Variants in ARHGAP12 observed in about 807,000 individuals in gnomAD.
ARHGAP12 encodes Rho GTPase activating protein 12.
ARHGAP12 carries 64 observed loss-of-function variants against 108.6 expected under a neutral mutation model. The observed-to-expected ratio is 0.59, with a 90% CI of 0.48 to 0.73. ARHGAP12 has a LOEUF of 0.73. ARHGAP12 is among the 30% of genes least tolerant of loss of function. ARHGAP12 has a pLI of 0.00. For synonymous variants in ARHGAP12, 312 were observed against 337.2 expected (o/e 0.93, Z 0.82); for missense variants, 940 against 1,005.9 (o/e 0.93, Z 0.89).
intron 3 of ARHGAP12, among the ~76,000 whole-genome samples, chr10:31,863,848 A>T (rs975357143): frequency 2.6e-5 from 4 of 152,176 alleles, no homozygotes; most frequent in African/African-American, 9.6e-5. Flanking sequence ...AACTCTTAGC[A>T]AGATAGGAAC....
chr10:31,917,854 C>G (rs564539247), intron 1 of ARHGAP12, among the ~76,000 whole-genome samples: 26 of 152,218 alleles, frequency 1.7e-4, no homozygotes, highest in Non-Finnish European at 3.5e-4. Context: ...AAGAACCTGA[C>G]AGACATTTTT....
At position 31,909,270 on chromosome 10, in the gene ARHGAP12, T is replaced by A. The variant is rs555677748; in HGVS notation, c.-71-344A>T. 1.5e-4 allele frequency among the ~76,000 whole-genome samples: 23 copies of A among 152,360 alleles called. No homozygotes were observed. In the South Asian group the frequency reaches 4.6e-3, roughly 30 times the overall value. On this transcript the variant is annotated intron_variant, in intron 2 of 19. Transcript: ENST00000344936. ...TCACCTTCTTAGAAAGGCTCACTAA[T>A]AACTAATATGCATTTACTTTCATTT...
At position 31,861,492 on chromosome 10, in the gene ARHGAP12, T is replaced by C. The variant is rs1205337927; in HGVS notation, c.851A>G (p.Tyr284Cys). ...HKDSSGRCYY[Y>C]NRGTQERTWK... Reference sequence around the variant, plus strand: ...AGTTCTTTCCTGTGTCCCTCTGTTATAGTAATAGCAACGCCCTGAGCTGTC... The same window carrying C: ...AGTTCTTTCCTGTGTCCCTCTGTTACAGTAATAGCAACGCCCTGAGCTGTC... The change falls in exon 4 of 20, where the codon TAT (tyrosine) becomes TGT (cysteine). Residue 284 changes from tyrosine to cysteine, a missense_variant. Physicochemically the swap from Tyr to Cys is radical, Grantham distance 194 (BLOSUM62 -2). Coordinates refer to ENST00000344936, the MANE Select transcript of ARHGAP12 (RefSeq NM_018287.7). The C allele has an allele frequency of 1.9e-6, 3 of 1,614,184 alleles. No homozygotes were observed. The highest frequency in any genetic ancestry group is 1.3e-5 in the African/African-American group (1 of 75,042).
At chr10:31,819,093 T>A (rs1230434534) in intron 12 of ARHGAP12, among the ~76,000 whole-genome samples, 1 of 151,828 alleles carries the variant, frequency 6.6e-6, no homozygotes, top group Non-Finnish European at 1.5e-5. Flanking sequence ...ATGAGAGAAA[T>A]AATTGACAAA....
At chr10:31,898,886 T>C (rs1838814286) in intron 3 of ARHGAP12, among the ~76,000 whole-genome samples, 2 of 151,408 alleles carry the variant, frequency 1.3e-5, no homozygotes, top group South Asian at 2.1e-4. Context: ...CGTCCACAGA[T>C]GTTTATAGCA....
At chr10:31,831,285 GATT>G (rs1835823060) in intron 10 of ARHGAP12, among the ~76,000 whole-genome samples, 1 of 152,104 alleles carries the variant, frequency 6.6e-6, no homozygotes, top group South Asian at 2.1e-4. Flanking sequence ...ACTGTGAAAA[GATT>G]ATGTTTAGAA....
intron 3 of ARHGAP12, among the ~76,000 whole-genome samples, chr10:31,876,081 G>A (rs930514731): frequency 2.0e-5 from 3 of 152,192 alleles, no homozygotes; most frequent in Non-Finnish European, 4.4e-5. Context: ...TTTGGCTATA[G>A]TGAACAATTC....
intron 14 of ARHGAP12, 134 bp downstream of exon 14, chr10:31,814,125 C>G: frequency 1.4e-6 from 1 of 693,634 alleles, no homozygotes; most frequent in Admixed American, 2.6e-5. Context: ...CACACTGAGA[C>G]TGCACTTGGT....
At chr10:31,877,907 C>G (rs749397169) in intron 3 of ARHGAP12, among the ~76,000 whole-genome samples, 31 of 152,182 alleles carry the variant, frequency 2.0e-4, no homozygotes, top group Non-Finnish European at 3.5e-4. Context: ...GCCTGGGGAA[C>G]GTGGAGAAAC....
chr10:31,807,737 T>A lies in ARHGAP12; in HGVS notation c.2462A>T (p.Asn821Ile), dbSNP rs201424206. The A allele has an allele frequency of 5.6e-6, 9 of 1,607,846 alleles. No individual in the cohort carries two copies. The highest frequency in any genetic ancestry group is 7.6e-6 in the Non-Finnish European group (9 of 1,177,304). The change falls in exon 20 of 20, where the codon AAT becomes ATT. Residue 821 changes from asparagine to isoleucine, a missense_variant. Transcript: ENST00000344936. ...CTGGTACACAGTATGAACTGCTATA[T>A]TACCAGTCTCTTTTTCTGGTTTTAA... ...TLLKPEKETG[N>I]IAVHTVYQNQ...
At chr10:31,918,795 G>A (rs1839670474) in intron 1 of ARHGAP12, among the ~76,000 whole-genome samples, 1 of 152,224 alleles carries the variant, frequency 6.6e-6, no homozygotes, top group Admixed American at 6.5e-5. Flanking sequence ...GAAATGTAAA[G>A]TGGTACAGCC....
chr10:31,854,841 T>G (rs1213417405), intron 4 of ARHGAP12, among the ~76,000 whole-genome samples: 3 of 150,482 alleles, frequency 2.0e-5, no homozygotes, highest in African/African-American at 7.4e-5. Flanking sequence ...ATGAAAATAA[T>G]ATAGGGGCCA....
intron 15 of ARHGAP12, among the ~76,000 whole-genome samples, chr10:31,811,668 T>TTATTTTATTC (rs1426016024): frequency 6.6e-6 from 1 of 151,576 alleles, no homozygotes; most frequent in Non-Finnish European, 1.5e-5. Context: ...AATACCTTTT[T>TTATTTTATTC]TATTTTATTT....
chr10:31,811,927 T>G (rs1336101125), intron 15 of ARHGAP12, among the ~76,000 whole-genome samples: 1 of 152,128 alleles, frequency 6.6e-6, no homozygotes. Flanking sequence ...AGTGGGGGGT[T>G]TACAGATGTG....
chr10:31,886,066 TTGAGTA>T (rs1838177152), intron 3 of ARHGAP12, among the ~76,000 whole-genome samples: 1 of 152,190 alleles, frequency 6.6e-6, no homozygotes, highest in South Asian at 2.1e-4. Context: ...ATAAAATTAT[TTGAGTA>T]GTCATTCTGA....
chr10:31,861,264 T>A (rs1350086186), intron 4 of ARHGAP12, 131 bp downstream of exon 4: 2 of 1,136,454 alleles, frequency 1.8e-6, no homozygotes, highest in East Asian at 5.0e-5. Flanking sequence ...TGGAAAGAAT[T>A]TTTAATGATC....
intron 3 of ARHGAP12, among the ~76,000 whole-genome samples, chr10:31,869,520 G>C (rs566020913): frequency 6.6e-6 from 1 of 150,912 alleles, no homozygotes. Flanking sequence ...CTGGGTAACA[G>C]AGCGAGACTC....
chr10:31,869,289 C>T (rs1344364467), intron 3 of ARHGAP12, among the ~76,000 whole-genome samples: 1 of 152,190 alleles, frequency 6.6e-6, no homozygotes, highest in Non-Finnish European at 1.5e-5. Context: ...GTAATGCCAA[C>T]ACTTCAGGAA....
At position 31,809,242 on chromosome 10, in the gene ARHGAP12, C is replaced by T; in HGVS notation, c.2116G>A (p.Ala706Thr). The T allele has an allele frequency of 6.2e-7, 1 of 1,613,892 alleles. No individual in the cohort carries two copies. Among genetic ancestry groups the T allele is most frequent in the Non-Finnish European group, 8.5e-7 (1 of 1,179,860 alleles). Reference sequence around the variant, plus strand: ...AATATAATCTTACCATGATTGACTGCAAACCTTAGTTTCTGGATCACTGCG... The same window carrying T: ...AATATAATCTTACCATGATTGACTGTAAACCTTAGTTTCTGGATCACTGCG... Reference protein sequence around the residue: ...NLAVIQKLRFAVNHDEKLDLN... With the variant: ...NLAVIQKLRFTVNHDEKLDLN... The change falls in exon 17 of 20, where the codon GCA becomes ACA. Residue 706 changes from alanine to threonine, a missense_variant. Transcript: ENST00000344936.
Sources: allele counts gnomAD v4.1 joint callset (sites outside exome capture counted in the v4.1 genomes callset), GRCh38; gene constraint gnomAD v4.1.1; transcripts MANE v1.5; gene names NCBI Gene and HGNC (gene_info 2026-07-23, HGNC 2026-07-21).